The following TMPRSS15 variants were observed in gnomAD, a reference collection of about 807,000 sequenced individuals.
TMPRSS15 encodes the protein enteropeptidase.
TMPRSS15 carries 128 observed loss-of-function variants against 125.3 expected under a neutral mutation model. That is an observed-to-expected ratio of 1.02 (90% CI 0.89 to 1.18). The LOEUF (loss-of-function observed/expected upper bound fraction) is 1.18. Among genes scored for constraint, TMPRSS15 ranks in the 50% most tolerant of loss-of-function variants. TMPRSS15 has a pLI of 0.00. For missense variants in TMPRSS15, 1,283 were observed against 1,212.7 expected (o/e 1.06, Z -0.86); for synonymous variants, 446 against 423.2 (o/e 1.05, Z -0.66).
At chr21:18,479,371 C>G (rs1978937951) in intron 1 of TMPRSS15, among the ~76,000 whole-genome samples, 1 of 151,824 alleles carries the variant, frequency 6.6e-6, no homozygotes, top group Admixed American at 6.6e-5. Flanking sequence ...ATAATCAAGC[C>G]AAACTTTTCT....
intron 1 of TMPRSS15, among the ~76,000 whole-genome samples, chr21:18,419,220 CTTTTTTTTT>C (rs540004490): frequency 2.8e-5 from 3 of 108,620 alleles, no homozygotes; most frequent in Admixed American, 1.1e-4. Context: ...GACATTTCCT[CTTTTTTTTT>C]TTTTTTTTTT....
chr21:18,464,945 G>A (rs1978628385), intron 1 of TMPRSS15, among the ~76,000 whole-genome samples: 1 of 152,102 alleles, frequency 6.6e-6, no homozygotes, highest in Non-Finnish European at 1.5e-5. Flanking sequence ...AAACCTGGCA[G>A]AGACACAAGA....
intron 22 of TMPRSS15, 147 bp from the exon 23 acceptor site, chr21:18,279,206 G>A (rs1442610510): frequency 3.7e-6 from 2 of 543,468 alleles, no homozygotes; most frequent in South Asian, 2.0e-5. Flanking sequence ...AAAAATTTTA[G>A]ACATCGGTCT....
intron 18 of TMPRSS15, among the ~76,000 whole-genome samples, chr21:18,298,255 C>CT (rs11415685): frequency 0.012 from 1,765 of 152,048 alleles, 24 homozygotes; most frequent in African/African-American, 0.039. Flanking sequence ...TATAGCTCAT[C>CT]TTTTTTTTGG....
Position 18,379,352 on chromosome 21 carries a change from CTATTT to C in TMPRSS15, c.497-39_497-35del, listed in dbSNP as rs1162434866. ...TAAATTATATTAAAATAATTATTAC[CTATTT>C]TAAACTAATTACCAGGAATTTATTG... On this transcript the variant is annotated intron_variant, in intron 4 of 24. Coordinates refer to ENST00000284885, the MANE Select transcript of TMPRSS15 (RefSeq NM_002772.3). 5 of 959,596 alleles carry C rather than the reference CTATTT, an allele frequency of 5.2e-6. No homozygotes were observed. The African/African-American group carries it at 6.8e-5, about 13-fold the overall frequency. 59.4% of individuals were successfully genotyped at this position (959,596 alleles called of 1,614,324 possible).
chr21:18,308,005 C>T (rs533554547), intron 18 of TMPRSS15, among the ~76,000 whole-genome samples: 46 of 152,244 alleles, frequency 3.0e-4, no homozygotes, highest in African/African-American at 1.1e-3. Flanking sequence ...TCATCCGGGG[C>T]ACTTGGGCGC....
At chr21:18,371,888 C>A (rs373390736) in intron 6 of TMPRSS15, among the ~76,000 whole-genome samples, 1 of 151,994 alleles carries the variant, frequency 6.6e-6, no homozygotes, top group African/African-American at 2.4e-5. Flanking sequence ...TGTAGCAACA[C>A]CCATCCCCAC....
At chr21:18,365,706 C>CCTACCT (rs2075728837) in intron 6 of TMPRSS15, among the ~76,000 whole-genome samples, 1 of 135,162 alleles carries the variant, frequency 7.4e-6, no homozygotes, top group Non-Finnish European at 1.6e-5. Flanking sequence ...TTCCTACCTT[C>CCTACCT]TCTCTCTCTC....
At chr21:18,463,235 C>A (rs1280361828) in intron 1 of TMPRSS15, among the ~76,000 whole-genome samples, 3 of 23,528 alleles carry the variant, frequency 1.3e-4, no homozygotes, top group East Asian at 8.0e-4. Flanking sequence ...ATTTACCAAG[C>A]AAATGGAAAG....
intron 1 of TMPRSS15, among the ~76,000 whole-genome samples, chr21:18,434,261 T>G (rs937429072): frequency 6.6e-6 from 1 of 152,036 alleles, no homozygotes; most frequent in African/African-American, 2.4e-5. Context: ...CTAATCTCTA[T>G]CTCTACACAC....
At chr21:18,286,782 C>A (rs2074769707) in intron 21 of TMPRSS15, among the ~76,000 whole-genome samples, 1 of 152,264 alleles carries the variant, frequency 6.6e-6, no homozygotes, top group Non-Finnish European at 1.5e-5. Context: ...CCTATTTAGC[C>A]TCCTGAGACC....
intron 18 of TMPRSS15, among the ~76,000 whole-genome samples, chr21:18,312,524 A>C (rs981335606): frequency 4.0e-5 from 6 of 151,378 alleles, no homozygotes; most frequent in Admixed American, 1.3e-4. Context: ...GTACTTCTAT[A>C]AATTTTCCAA....
chr21:18,326,135 G>T (rs762483591), intron 16 of TMPRSS15, among the ~76,000 whole-genome samples: 11 of 152,058 alleles, frequency 7.2e-5, no homozygotes, highest in Admixed American at 3.3e-4. Flanking sequence ...AGAGGGTCAA[G>T]TATCCTACTT....
chr21:18,302,991 A>T (rs2074989750), intron 18 of TMPRSS15, among the ~76,000 whole-genome samples: 1 of 152,214 alleles, frequency 6.6e-6, no homozygotes. Flanking sequence ...TCAGTGCATT[A>T]TCACTTTCTA....
rs1157774057 is a variant in TMPRSS15, at chr21:18,464,321, A to T, written c.10+21478T>A. On this transcript the variant is annotated intron_variant, in intron 1 of 7. Transcript: ENST00000422787. ...AGAGGAGAAAGTGGGAAAGATCTAA[A>T]ATCGACACCCTAACATCACAATTAA... is the stretch of plus-strand genomic sequence containing the variant. 2.6e-5 allele frequency among the ~76,000 whole-genome samples: 4 copies of T among 152,198 alleles called. No homozygotes were observed. In the East Asian group the frequency reaches 5.8e-4, roughly 22 times the overall value.
At chr21:18,471,206 A>G (rs1311712154) in intron 1 of TMPRSS15, among the ~76,000 whole-genome samples, 1 of 152,096 alleles carries the variant, frequency 6.6e-6, no homozygotes, top group African/African-American at 2.4e-5. Flanking sequence ...TTTGATAATA[A>G]CAACAACAAC....
chr21:18,352,042 A>T (rs1415678329), intron 10 of TMPRSS15, among the ~76,000 whole-genome samples: 2 of 147,644 alleles, frequency 1.4e-5, no homozygotes, highest in East Asian at 4.1e-4. Context: ...AATTTTGACT[A>T]AGAAAATTAT....
chr21:18,291,749 A>C (rs2074837770), intron 21 of TMPRSS15, among the ~76,000 whole-genome samples: 1 of 50,334 alleles, frequency 2.0e-5, no homozygotes, highest in Admixed American at 1.6e-4. Flanking sequence ...CTTAGGCATT[A>C]GAGAAAAAAA....
chr21:18,410,598 GAA>G (rs34173013), intron 1 of TMPRSS15, among the ~76,000 whole-genome samples: 4 of 145,714 alleles, frequency 2.7e-5, no homozygotes, highest in African/African-American at 5.1e-5. Flanking sequence ...ATGAATAATA[GAA>G]AAAAAAAAAG....
Sources: allele counts gnomAD v4.1 joint callset (sites outside exome capture counted in the v4.1 genomes callset), GRCh38; gene constraint gnomAD v4.1.1; transcripts MANE v1.5; gene names NCBI Gene and HGNC (gene_info 2026-07-23, HGNC 2026-07-21).